The following EMB variants were observed in gnomAD, a reference collection of about 807,000 sequenced individuals.
The protein encoded by EMB is embigin homolog.
Under a neutral mutation model 41.4 loss-of-function variants are expected in EMB, and 31 were observed. The observed-to-expected ratio is 0.75, with a 90% confidence interval of 0.56 to 1.01. The LOEUF (loss-of-function observed/expected upper bound fraction) is 1.01, where lower values mean the gene tolerates loss of function less well. Among genes scored for constraint, EMB ranks in the 50% least tolerant of loss-of-function variants. EMB has a pLI of 0.00. For synonymous variants in EMB, 137 were observed against 140.4 expected (o/e 0.98, Z 0.17); for missense variants, 379 against 388.3 (o/e 0.98, Z 0.20).
At chr5:50,439,090 G>A (rs941705490) in intron 1 of EMB, among the ~76,000 whole-genome samples, 6 of 151,564 alleles carry the variant, frequency 4.0e-5, no homozygotes. Context: ...TGCCCACACT[G>A]AATCCCAAGC....
intron 4 of EMB, 74 bp from the exon 5 acceptor site, chr5:50,405,926 T>G (rs1240269487): frequency 1.4e-6 from 2 of 1,455,980 alleles, no homozygotes; most frequent in Non-Finnish European, 1.8e-6. Context: ...GTGCAAATAT[T>G]GTCTCCTTTC....
Position 50,397,107 on chromosome 5 carries a change from A to C in EMB, c.*2166T>G, listed in dbSNP as rs926580067. On this transcript the variant is annotated 3_prime_UTR_variant, in exon 9 of 9. Coordinates refer to ENST00000303221, the MANE Select transcript of EMB (RefSeq NM_198449.3). ...CTGGAAAGACTAAGAGAATTCCCCA[A>C]GGTGCCTAATATATAAACTTGGAGT... 3.9e-5 allele frequency: 6 copies of C among 152,138 alleles called. No individual in the cohort carries two copies. The highest frequency in any genetic ancestry group is 3.9e-4 in the Admixed American group (6 of 15,260). 9.4% of individuals were successfully genotyped at this position (152,138 alleles called of 1,614,324 possible). A position where few individuals can be genotyped will look rare whatever the true frequency, so the allele number is the denominator to read the frequency against.
intron 7 of EMB, among the ~76,000 whole-genome samples, chr5:50,401,808 T>C (rs1420772768): frequency 3.3e-5 from 5 of 151,960 alleles, no homozygotes; most frequent in Non-Finnish European, 7.4e-5. Context: ...ACAGATGCCA[T>C]AGCCCCAACC....
chr5:50,426,172 A>G lies in EMB; in HGVS notation c.196+1972T>C, dbSNP rs183121432. ...CCCAGAAAGAAAGGCTGCAAAGCAT[A>G]ATGGCTAATAGCACAGACTGGGCAC... is the stretch of plus-strand genomic sequence containing the variant. On this transcript the variant is annotated intron_variant, in intron 2 of 8. Transcript: ENST00000303221. Among the ~76,000 whole-genome samples the G allele has an allele frequency of 1.4e-3, 216 of 152,360 alleles. 4 individuals are homozygous for G. The highest frequency in any genetic ancestry group is 4.5e-3 in the African/African-American group (189 of 41,576).
At chr5:50,419,570 C>CACACACACACACAG (rs70972905) in intron 2 of EMB, among the ~76,000 whole-genome samples, 1 of 151,828 alleles carries the variant, frequency 6.6e-6, no homozygotes, top group East Asian at 1.9e-4. Flanking sequence ...CACACACACA[C>CACACACACACACAG]AGATAACTGT....
chr5:50,399,026 T>C lies in EMB; in HGVS notation c.*247A>G, dbSNP rs1745115821. 1 of 356,736 alleles carries C rather than the reference T, an allele frequency of 2.8e-6. No individual in the cohort carries two copies. The highest frequency in any genetic ancestry group is 5.1e-6 in the Non-Finnish European group (1 of 197,018). The allele number at this position is 356,736 out of a possible 1,614,324, so 22.1% of individuals were successfully genotyped here. On this transcript the variant is annotated 3_prime_UTR_variant, in exon 9 of 9. Transcript: ENST00000303221. ...TGTGTGTCCTTTGAAGACCAGAATA[T>C]AATTAATTTTATTCTGGTCTAACAT...
chr5:50,420,667 C>T (rs13155227), intron 2 of EMB, among the ~76,000 whole-genome samples: 12,777 of 152,190 alleles, frequency 0.084, 658 homozygotes, highest in Admixed American at 0.1. Flanking sequence ...TGTATGACAT[C>T]GGGGGAGGAG....
At position 50,398,135 on chromosome 5, in the gene EMB, A is replaced by G. The variant is rs1323509612; in HGVS notation, c.*1138T>C. 1.3e-5 allele frequency: 2 copies of G among 151,054 alleles called. No homozygotes were observed. The highest frequency in any genetic ancestry group is 2.9e-5 in the Non-Finnish European group (2 of 67,798). 9.4% of individuals were successfully genotyped at this position (151,054 alleles called of 1,614,324 possible). On this transcript the variant is annotated 3_prime_UTR_variant, in exon 9 of 9. Coordinates refer to ENST00000303221, the MANE Select transcript of EMB (RefSeq NM_198449.3). ...TGCCCTTTGAGCAGTGGGACACTTC[A>G]TGGTCATTTATGTTATCTAGTATCT...
intron 1 of EMB, among the ~76,000 whole-genome samples, chr5:50,440,531 CTCAAA>C (rs1745884599): frequency 1.5e-5 from 1 of 67,120 alleles, no homozygotes; most frequent in African/African-American, 6.8e-5. Flanking sequence ...AAAACTCCGT[CTCAAA>C]AAAAAAAAAA....
chr5:50,406,689 T>G (rs1438674870), intron 4 of EMB, among the ~76,000 whole-genome samples: 1 of 151,974 alleles, frequency 6.6e-6, no homozygotes, highest in Non-Finnish European at 1.5e-5. Flanking sequence ...TCAACTAAGA[T>G]TATTTTGTTA....
At chr5:50,413,584 CTTTT>C (rs796506447) in intron 2 of EMB, among the ~76,000 whole-genome samples, 1 of 142,482 alleles carries the variant, frequency 7.0e-6, no homozygotes. Context: ...TTCTTTCTTT[CTTTT>C]TTTTTTTTTT....
At chr5:50,412,939 TAA>T (rs201086499) in intron 2 of EMB, among the ~76,000 whole-genome samples, 56,107 of 136,578 alleles carry the variant, frequency 0.41, 11,700 homozygotes, top group African/African-American at 0.52. Context: ...GATACTGGTG[TAA>T]AAAAAAAAAG....
At chr5:50,439,627 G>A (rs1354767787) in intron 1 of EMB, among the ~76,000 whole-genome samples, 2 of 151,816 alleles carry the variant, frequency 1.3e-5, no homozygotes, top group Non-Finnish European at 2.9e-5. Flanking sequence ...CTTTATAAGT[G>A]GTATTATGGA....
intron 2 of EMB, among the ~76,000 whole-genome samples, chr5:50,412,651 A>G (rs1374430572): frequency 8.9e-5 from 12 of 134,858 alleles, no homozygotes; most frequent in Admixed American, 1.5e-4. Context: ...TTTGAGCTAC[A>G]TGTTTTGGTA....
Position 50,441,257 on chromosome 5 carries a change from G to A in EMB, c.-106C>T, listed in dbSNP as rs558404621. On this transcript the variant is annotated 5_prime_UTR_variant, in exon 1 of 9. Transcript: ENST00000303221. ...ACTCGCAGGTGGCCCGGCGCTCGCA[G>A]CCAGTGCCGCGGGTAGGACGCTGAA... 1.7e-4 allele frequency: 101 copies of A among 588,410 alleles called. 2 individuals are homozygous for A. In the South Asian group the frequency reaches 5.9e-3, roughly 34 times the overall value. The allele number at this position is 588,410 out of a possible 1,614,324, so 36.4% of individuals were successfully genotyped here.
Position 50,428,435 on chromosome 5 carries a change from A to T in EMB, c.113-208T>A, listed in dbSNP as rs951537452. On this transcript the variant is annotated intron_variant, in intron 1 of 8. Transcript: ENST00000303221. ...AAATTCTGATTTTTTTTCTTTTTTAACCTAAAAATCCCTACTGACTTACAT... is the reference window on the plus strand; with the variant it reads ...AAATTCTGATTTTTTTTCTTTTTTATCCTAAAAATCCCTACTGACTTACAT... The T allele has an allele frequency of 9.2e-6, 11 of 1,195,492 alleles. No homozygotes were observed. In the African/African-American group the frequency reaches 1.7e-4, roughly 19 times the overall value. The allele number at this position is 1,195,492 out of a possible 1,614,324, so 74.1% of individuals were successfully genotyped here. A position where few individuals can be genotyped will look rare whatever the true frequency, so the allele number is the denominator to read the frequency against.
chr5:50,420,723 T>C (rs1036632327), intron 2 of EMB, among the ~76,000 whole-genome samples: 9 of 152,230 alleles, frequency 5.9e-5, no homozygotes, highest in African/African-American at 1.9e-4. Flanking sequence ...AACGAGGCTT[T>C]CAATAAATTT....
In EMB at chr5:50,413,072, G is replaced by GCA. The variant is rs373424039; in HGVS notation, c.197-1691_197-1690dup. Among the ~76,000 whole-genome samples the GCA allele has an allele frequency of 2.0e-3, 309 of 151,338 alleles. 4 individuals are homozygous for GCA. The highest frequency in any genetic ancestry group is 0.02 in the South Asian group (97 of 4,796). Reference sequence around the variant, plus strand: ...CACATACATACACACGCGCCCACGCGCACACACACACACTTAGGGAAAACA... The same window carrying GCA: ...CACATACATACACACGCGCCCACGCGCACACACACACACACTTAGGGAAAACA... On this transcript the variant is annotated intron_variant, in intron 2 of 8. Transcript: ENST00000303221.
At chr5:50,438,820 C>A (rs999990392) in intron 1 of EMB, among the ~76,000 whole-genome samples, 1 of 152,056 alleles carries the variant, frequency 6.6e-6, no homozygotes, top group Admixed American at 6.5e-5. Context: ...AGAACTTATA[C>A]CATATACATA....
Sources: allele counts gnomAD v4.1 joint callset (sites outside exome capture counted in the v4.1 genomes callset), GRCh38; gene constraint gnomAD v4.1.1; transcripts MANE v1.5; gene names NCBI Gene and HGNC (gene_info 2026-07-23, HGNC 2026-07-21).